DEPDC5: variants seen among roughly 807,000 people sequenced by gnomAD.
DEPDC5 encodes the protein DEP domain containing 5, GATOR1 subcomplex subunit, also known as GATOR1 complex protein DEPDC5.
In DEPDC5, 73 loss-of-function variants were observed where a neutral mutation model predicts 217.3. The ratio of observed to expected loss-of-function variants is 0.34; its 90% CI spans 0.28 to 0.41. The LOEUF (loss-of-function observed/expected upper bound fraction) is 0.41. DEPDC5 is among the 10% of genes least tolerant of loss of function. The pLI is 1.00. For synonymous variants in DEPDC5, 733 were observed against 756.7 expected, an observed-to-expected ratio of 0.97 and a Z score of 0.51; for missense variants, 1,675 against 2,070.1, an observed-to-expected ratio of 0.81 and a Z score of 3.70.
At chr22:31,784,012 C>T (rs766450373) in intron 9 of DEPDC5, 27 bp downstream of exon 9, 3 of 1,587,722 alleles carry the variant, frequency 1.9e-6, no homozygotes, top group South Asian at 2.3e-5. Context: ...CTGATTGTAA[C>T]TGCTAAGGGG....
chr22:31,906,580 G>A lies in DEPDC5; in HGVS notation c.*83G>A, dbSNP rs2093763661. 2 of 1,525,726 alleles carry A rather than the reference G, an allele frequency of 1.3e-6. No individual in the cohort carries two copies. Among genetic ancestry groups the A allele is most frequent in the African/African-American group, 1.4e-5 (1 of 73,002 alleles). The allele number at this position is 1,525,726 out of a possible 1,614,324, so 94.5% of individuals were successfully genotyped here. On this transcript the variant is annotated 3_prime_UTR_variant, in exon 43 of 43. Transcript: ENST00000651528. This position sits in a 1 kb window ranked among gnomAD's most constrained non-coding sequence, Gnocchi z 5.1. The stretch of plus-strand genomic sequence containing the variant: ...GCGGAGGATTCCAGGCAGGCTCTAG[G>A]AGTCAGGTGTCCGTTTGCTGCTATC...
At chr22:31,764,347 C>G (rs2148088934) in intron 4 of DEPDC5, among the ~76,000 whole-genome samples, 1 of 152,214 alleles carries the variant, frequency 6.6e-6, no homozygotes, top group East Asian at 1.9e-4. Context: ...TAACTTCATT[C>G]CAAAGAGAAG....
At chr22:31,759,058 G>C (rs1010111311) in intron 3 of DEPDC5, among the ~76,000 whole-genome samples, 1 of 151,608 alleles carries the variant, frequency 6.6e-6, no homozygotes, top group East Asian at 2.0e-4. Context: ...TCAGCCTCCC[G>C]AGTAGCTGAG....
rs778656662 is a variant in DEPDC5, at chr22:31,797,661, C to G, written c.829C>G (p.Leu277Val). 1 of 1,614,088 alleles carries G rather than the reference C, an allele frequency of 6.2e-7. No homozygotes were observed. The highest frequency in any genetic ancestry group is 2.2e-5 in the East Asian group (1 of 44,876). The change falls in exon 13 of 43, where the codon CTC becomes GTC. Residue 277 changes from leucine to valine, a missense_variant. By Grantham distance (32) the Leu-to-Val change is conservative (BLOSUM62 1). This residue lies in a region of DEPDC5 where 628 missense variants were observed against 762.1 expected (regional missense o/e 0.82). Coordinates refer to ENST00000651528, the MANE Select transcript of DEPDC5 (RefSeq NM_001242896.3). ...TTCACTTCTCGTAACCATTAAAAAA[C>G]TCTTCATCCAGTATCCAGTGTTGGT... ...WTSLLVTIKKLFIQYPVLVRL... is the reference protein window; with the variant it reads ...WTSLLVTIKKVFIQYPVLVRL...
intron 10 of DEPDC5, among the ~76,000 whole-genome samples, chr22:31,786,468 TAA>T (rs1012111209): frequency 4.0e-5 from 6 of 151,124 alleles, no homozygotes; most frequent in African/African-American, 1.5e-4. Flanking sequence ...TCCTTATGTT[TAA>T]AAGTTTTATT....
chr22:31,815,131 A>C lies in DEPDC5; in HGVS notation c.1585A>C (p.Ser529Arg). Reference sequence around the variant, plus strand: ...TTCTGACGACAGCTCCCTAGGCAAGAGTGCCAACATCCTGATGATCCCACA... The same window carrying C: ...TTCTGACGACAGCTCCCTAGGCAAGCGTGCCAACATCCTGATGATCCCACA... Reference protein sequence around the residue: ...QASDDSSLGKSANILMIPHPH... With the variant: ...QASDDSSLGKRANILMIPHPH... Residue 529 changes from serine to arginine, a missense_variant, in exon 21 of 43, where the codon AGT becomes CGT. Physicochemically the swap from Ser to Arg is moderately radical, Grantham distance 110. Around this residue, in one of 11 missense-constraint regions of DEPDC5, gnomAD observed 628 missense variants for 762.1 expected, o/e 0.82. Coordinates refer to ENST00000651528, the MANE Select transcript of DEPDC5 (RefSeq NM_001242896.3). The C allele has an allele frequency of 6.2e-7, 1 of 1,614,220 alleles. No homozygotes were observed. The highest frequency in any genetic ancestry group is 2.2e-5 in the East Asian group (1 of 44,884).
intron 7 of DEPDC5, among the ~76,000 whole-genome samples, chr22:31,776,842 T>C (rs1003589836): frequency 6.6e-6 from 1 of 152,032 alleles, no homozygotes; most frequent in African/African-American, 2.4e-5. Context: ...CCCAAAGTGC[T>C]GGGATTACAG....
At chr22:31,788,579 A>G (rs556580483) in intron 10 of DEPDC5, among the ~76,000 whole-genome samples, 109 of 141,372 alleles carry the variant, frequency 7.7e-4, no homozygotes, top group Middle Eastern at 4.6e-3. Context: ...TGCCTAGCCC[A>G]TATTTTTTTT....
Position 31,893,769 on chromosome 22 carries a change from T to A in DEPDC5, c.4203+18T>A. On this transcript the variant is annotated intron_variant, in intron 39 of 42. Transcript: ENST00000651528. ...TCGAGATGGTGAGAACCTTCATGCATGTTGTCAGGCCTTTGGCTCACCTCA... is the reference window on the plus strand; with the variant it reads ...TCGAGATGGTGAGAACCTTCATGCAAGTTGTCAGGCCTTTGGCTCACCTCA... 1.3e-6 allele frequency: 2 copies of A among 1,581,528 alleles called. No individual in the cohort carries two copies. The highest frequency in any genetic ancestry group is 1.2e-5 in the South Asian group (1 of 85,564).
intron 8 of DEPDC5, among the ~76,000 whole-genome samples, chr22:31,780,298 G>A (rs2084296641): frequency 6.6e-6 from 1 of 152,172 alleles, no homozygotes; most frequent in African/African-American, 2.4e-5. Context: ...TGTGAGGAGT[G>A]AAGGAAAGAG....
intron 6 of DEPDC5, among the ~76,000 whole-genome samples, chr22:31,767,250 C>T (rs760449194): frequency 6.6e-6 from 1 of 151,934 alleles, no homozygotes; most frequent in Non-Finnish European, 1.5e-5. Context: ...AAGCGATTCT[C>T]CTGCCTCAGC....
At chr22:31,873,042 A>C (rs1215124872) in intron 34 of DEPDC5, 1 of 935,008 alleles carries the variant, frequency 1.1e-6, no homozygotes, top group East Asian at 3.7e-5. Context: ...GACGTAAGCC[A>C]CCAAACCCGG....
At chr22:31,775,593 G>A (rs1019997014) in intron 7 of DEPDC5, among the ~76,000 whole-genome samples, 2 of 152,034 alleles carry the variant, frequency 1.3e-5, no homozygotes, top group African/African-American at 4.8e-5. Flanking sequence ...TTGATTACAC[G>A]GTGCTCAGCT....
At chr22:31,774,753 G>A (rs1376469732) in intron 7 of DEPDC5, among the ~76,000 whole-genome samples, 1 of 152,068 alleles carries the variant, frequency 6.6e-6, no homozygotes, top group Non-Finnish European at 1.5e-5. Context: ...TGAGGTGGGA[G>A]AATCGCTCAA....
Position 31,821,592 on chromosome 22 carries a change from CCT to C in DEPDC5, c.1964_1965del (p.Ser655CysfsTer10), listed in dbSNP as rs1372605067. ...AGCGGGCAGAGGGATCCAACTCACT[CCT>C]CTGCAGAGCTGCTGGAGTTAGCATA... On this transcript the variant is annotated frameshift_variant, in exon 23 of 43. Transcript: ENST00000651528. LOFTEE classifies it high-confidence loss of function. 6.2e-7 allele frequency: 1 copy of C among 1,614,164 alleles called. No individual in the cohort carries two copies. Among genetic ancestry groups the C allele is most frequent in the Admixed American group, 1.7e-5 (1 of 60,020 alleles).
At chr22:31,855,658 G>C (rs866939374) in intron 31 of DEPDC5, among the ~76,000 whole-genome samples, 2 of 152,138 alleles carry the variant, frequency 1.3e-5, no homozygotes, top group African/African-American at 4.8e-5. Flanking sequence ...GATTACAGGC[G>C]TGAGCCACTG....
At chr22:31,802,087 C>A (rs997779059) in intron 14 of DEPDC5, among the ~76,000 whole-genome samples, 4 of 144,618 alleles carry the variant, frequency 2.8e-5, no homozygotes, top group Non-Finnish European at 4.5e-5. Context: ...AGTTTTACTA[C>A]AGATTCATTT....
At chr22:31,806,895 C>G (rs993870333) in intron 18 of DEPDC5, among the ~76,000 whole-genome samples, 4 of 152,076 alleles carry the variant, frequency 2.6e-5, no homozygotes, top group Admixed American at 6.6e-5. Flanking sequence ...ACCTGTAGTC[C>G]CAGCTACTTG....
intron 12 of DEPDC5, 28 bp from the exon 13 acceptor site, chr22:31,797,572 A>G (rs2086389749): frequency 3.2e-6 from 5 of 1,575,840 alleles, no homozygotes; most frequent in Non-Finnish European, 4.4e-6. Context: ...GCTGCTCAAT[A>G]TCCATTTTAT....
Sources: gnomAD v4.1 joint callset for allele counts (sites outside exome capture counted in the v4.1 genomes callset) on GRCh38, gnomAD v4.1.1 for gene constraint, gnomAD v4.1.1 regional missense constraint, Gnocchi (gnomAD v3.1) non-coding constraint, MANE v1.5 for transcripts, NCBI Gene and HGNC (gene_info 2026-07-23, HGNC 2026-07-21) for gene names.